CHSY3: variants seen among roughly 807,000 people sequenced by gnomAD.
The protein encoded by CHSY3 is N-acetylgalactosaminyl-proteoglycan 3-beta-glucuronosyltransferase 3.
A neutral mutation model predicts 67.2 loss-of-function variants in CHSY3; 35 were observed. That is an observed-to-expected ratio of 0.52 (90% confidence interval 0.40 to 0.69). The LOEUF (loss-of-function observed/expected upper bound fraction) is 0.69. Among genes scored for constraint, CHSY3 ranks in the 30% least tolerant of loss-of-function variants. The pLI, the probability that CHSY3 is intolerant of heterozygous loss-of-function variation, is 0.00. For synonymous variants in CHSY3, 474 were observed against 434.7 expected, an observed-to-expected ratio of 1.09 and a Z score of -1.12; for missense variants, 1,069 against 1,138.5, an observed-to-expected ratio of 0.94 and a Z score of 0.88.
At chr5:129,918,677 T>C (rs531918270) in intron 2 of CHSY3, among the ~76,000 whole-genome samples, 30 of 152,198 alleles carry the variant, frequency 2.0e-4, no homozygotes, top group African/African-American at 6.5e-4. Context: ...CTGGATAATG[T>C]GTTTGGTTCC....
At position 130,175,370 on chromosome 5, in the gene CHSY3, T is replaced by C. The variant is rs577757024; in HGVS notation, c.1087-8859T>C. On this transcript the variant is annotated intron_variant, in intron 2 of 2. Transcript: ENST00000305031. Reference sequence around the variant, plus strand: ...GGAAATAAGAGAGGACACAAACAAATGGAAAAACATTCCATGCTCATGGAT... The same window carrying C: ...GGAAATAAGAGAGGACACAAACAAACGGAAAAACATTCCATGCTCATGGAT... 4.6e-5 allele frequency among the ~76,000 whole-genome samples: 7 copies of C among 152,246 alleles called. No individual in the cohort carries two copies. The South Asian group carries it at 1.2e-3, about 27-fold the overall frequency.
At chr5:130,117,356 T>C (rs1240321683) in intron 2 of CHSY3, among the ~76,000 whole-genome samples, 1 of 152,224 alleles carries the variant, frequency 6.6e-6, no homozygotes, top group African/African-American at 2.4e-5. Context: ...TTCCAGACCA[T>C]TTAGTTTATA....
At chr5:130,016,363 G>A (rs900782294) in intron 2 of CHSY3, among the ~76,000 whole-genome samples, 1 of 152,140 alleles carries the variant, frequency 6.6e-6, no homozygotes, top group Non-Finnish European at 1.5e-5. Flanking sequence ...TGATGATTTT[G>A]TCCATCATTT....
At chr5:129,993,089 G>GA (rs1227751564) in intron 2 of CHSY3, among the ~76,000 whole-genome samples, 1 of 152,070 alleles carries the variant, frequency 6.6e-6, no homozygotes, top group East Asian at 1.9e-4. Context: ...TCTAACTCTA[G>GA]AAAACGGGTA....
chr5:130,010,176 A>T (rs574278711), intron 2 of CHSY3, among the ~76,000 whole-genome samples: 1 of 152,302 alleles, frequency 6.6e-6, no homozygotes, highest in South Asian at 2.1e-4. Context: ...AAAAGAGAAT[A>T]TATATTCTTC....
At chr5:130,038,570 A>G (rs1164323445) in intron 2 of CHSY3, among the ~76,000 whole-genome samples, 1 of 152,140 alleles carries the variant, frequency 6.6e-6, no homozygotes, top group Non-Finnish European at 1.5e-5. Flanking sequence ...GAAGAAAGGA[A>G]GCACATTCAA....
chr5:129,905,302 G>A lies in CHSY3; in HGVS notation c.473G>A (p.Gly158Glu). The A allele has an allele frequency of 2.0e-6, 3 of 1,489,340 alleles. No individual in the cohort carries two copies. The highest frequency in any genetic ancestry group is 1.8e-6 in the Non-Finnish European group (2 of 1,122,388). 92.3% of individuals were successfully genotyped at this position (1,489,340 alleles called of 1,614,324 possible). ...CCGGGGAGTAGCCACAACGGCAGCG[G>A]GGACGGGGGCGCTGCCGCCCCGAGC... ...GRPGSSHNGS[G>E]DGGAAAPSAR... The change falls in exon 1 of 3, where the codon GGG (glycine) becomes GAG (glutamate). Residue 158 changes from glycine (G) to glutamate (E), a missense_variant. Physicochemically the swap from Gly to Glu is moderately conservative, Grantham distance 98. This residue lies in a region of CHSY3 where 309 missense variants were observed against 262.5 expected (regional missense o/e 1.18). Coordinates refer to ENST00000305031, the MANE Select transcript of CHSY3 (RefSeq NM_175856.5).
At chr5:130,037,849 G>A (rs971634617) in intron 2 of CHSY3, among the ~76,000 whole-genome samples, 22 of 152,042 alleles carry the variant, frequency 1.4e-4, no homozygotes, top group African/African-American at 5.3e-4. Flanking sequence ...GCAGCCATTT[G>A]ATCACATATA....
intron 2 of CHSY3, among the ~76,000 whole-genome samples, chr5:130,144,658 A>AT (rs1202205575): frequency 6.6e-6 from 1 of 152,140 alleles, no homozygotes; most frequent in East Asian, 1.9e-4. Flanking sequence ...AAAAATCTTA[A>AT]TTTTTTTAAT....
intron 2 of CHSY3, among the ~76,000 whole-genome samples, chr5:129,946,410 TAAC>T (rs529189637): frequency 3.9e-4 from 59 of 152,260 alleles, no homozygotes; most frequent in African/African-American, 1.4e-3. Flanking sequence ...GTTTTAAACT[TAAC>T]AATCCAAACA....
At chr5:129,939,186 T>A (rs1761617221) in intron 2 of CHSY3, among the ~76,000 whole-genome samples, 1 of 152,232 alleles carries the variant, frequency 6.6e-6, no homozygotes, top group East Asian at 1.9e-4. Flanking sequence ...CACTTTGAAA[T>A]AATCAGATTT....
At chr5:130,020,461 A>ATATATAT (rs1371121130) in intron 2 of CHSY3, among the ~76,000 whole-genome samples, 1 of 79,932 alleles carries the variant, frequency 1.3e-5, no homozygotes, top group Non-Finnish European at 2.2e-5. Context: ...ATATATATAT[A>ATATATAT]TTTTTTTTTT....
intron 2 of CHSY3, among the ~76,000 whole-genome samples, chr5:129,942,046 G>A (rs765259059): frequency 6.6e-6 from 1 of 152,148 alleles, no homozygotes; most frequent in Non-Finnish European, 1.5e-5. Flanking sequence ...GTTTTTATGG[G>A]AGCTTCACAG....
chr5:129,962,209 C>A (rs999563210), intron 2 of CHSY3, among the ~76,000 whole-genome samples: 9 of 151,992 alleles, frequency 5.9e-5, no homozygotes, highest in African/African-American at 2.2e-4. Flanking sequence ...GAACGCATAA[C>A]CTTCAGCATC....
rs571468241 is a variant in CHSY3 at position 130,034,036 on chromosome 5, T to C, written c.1086+125676T>C. The stretch of plus-strand genomic sequence containing the variant: ...AAAGGGAGGATCTGCGAATAACATC[T>C]TCTTAAACTAAATCTTGCTTTTAAC... On this transcript the variant is annotated intron_variant, in intron 2 of 2. Transcript: ENST00000305031. Among the ~76,000 whole-genome samples the C allele has an allele frequency of 2.7e-4, 41 of 152,264 alleles. 1 individual carries two copies. In the South Asian group the frequency reaches 7.9e-3, roughly 29 times the overall value.
chr5:130,156,454 C>G (rs1483403477), intron 2 of CHSY3, among the ~76,000 whole-genome samples: 1 of 152,138 alleles, frequency 6.6e-6, no homozygotes, highest in Non-Finnish European at 1.5e-5. Flanking sequence ...AGCATTTCTT[C>G]GCAGCATACC....
At chr5:130,073,908 A>T (rs1252726271) in intron 2 of CHSY3, among the ~76,000 whole-genome samples, 1 of 152,172 alleles carries the variant, frequency 6.6e-6, no homozygotes, top group East Asian at 1.9e-4. Context: ...AGTGACAACC[A>T]CAAGTTCATA....
chr5:129,948,879 G>C (rs1356318106), intron 2 of CHSY3, among the ~76,000 whole-genome samples: 1 of 152,122 alleles, frequency 6.6e-6, no homozygotes, highest in South Asian at 2.1e-4. Context: ...TCTTGCAGTA[G>C]TGGGATTGTT....
intron 2 of CHSY3, among the ~76,000 whole-genome samples, chr5:129,932,272 G>C (rs929366399): frequency 2.0e-5 from 3 of 151,666 alleles, no homozygotes; most frequent in East Asian, 3.9e-4. Context: ...ATTCTAGCAG[G>C]AGTTGATGTT....
Sources: allele counts gnomAD v4.1 joint callset (sites outside exome capture counted in the v4.1 genomes callset), GRCh38; gene constraint gnomAD v4.1.1; regional missense constraint gnomAD v4.1.1; transcripts MANE v1.5; gene names NCBI Gene and HGNC (gene_info 2026-07-23, HGNC 2026-07-21).